Variants in SHQ1 observed in about 807,000 individuals in gnomAD.
SHQ1 encodes SHQ1, H/ACA ribonucleoprotein assembly factor.
A neutral mutation model predicts 53.8 loss-of-function variants in SHQ1; 49 were observed. That is an observed-to-expected ratio of 0.91 (90% CI 0.72 to 1.16). The LOEUF (loss-of-function observed/expected upper bound fraction) is 1.16. SHQ1 is among the 50% of genes most tolerant of loss of function. The pLI is 0.00. For synonymous variants in SHQ1, 243 were observed against 251.0 expected (o/e 0.97, Z 0.30); for missense variants, 738 against 683.1 (o/e 1.08, Z -0.90).
At chr3:72,813,816 C>T (rs1245452077) in intron 8 of SHQ1, among the ~76,000 whole-genome samples, 2 of 145,166 alleles carry the variant, frequency 1.4e-5, no homozygotes, top group African/African-American at 2.5e-5. Context: ...TGTTCAGTTT[C>T]CTCTCCTCTT....
intron 4 of SHQ1, among the ~76,000 whole-genome samples, chr3:72,840,082 T>C (rs1708121998): frequency 6.6e-6 from 1 of 151,084 alleles, no homozygotes; most frequent in African/African-American, 2.4e-5. Context: ...CAAAACTCCA[T>C]CTCTACTAAA....
At chr3:72,733,838 C>T in the SHQ1 span, among the ~76,000 whole-genome samples, 1 of 151,508 alleles carries the variant, frequency 6.6e-6, no homozygotes, top group Non-Finnish European at 1.5e-5. Context: ...CACTTAATGA[C>T]GTGGTGCACT....
intron 10 of SHQ1, among the ~76,000 whole-genome samples, chr3:72,782,590 T>C (rs1246695548): frequency 6.6e-6 from 1 of 152,204 alleles, no homozygotes; most frequent in Non-Finnish European, 1.5e-5. Flanking sequence ...GGGAATGTAA[T>C]TAATCCTCTA....
intron 9 of SHQ1, among the ~76,000 whole-genome samples, chr3:72,801,911 C>A (rs2081925957): frequency 6.6e-6 from 1 of 152,186 alleles, no homozygotes. Flanking sequence ...TAATCTTATG[C>A]AGTTCTTAGC....
In SHQ1 at chr3:72,796,309, G is replaced by A. The variant is rs377455523; in HGVS notation, c.1061-3273C>T. ...TCTCTAAACTTAGGTGTGGGCAGTA[G>A]GAATAAAGGACCCTACTCCCGAGAT... On this transcript the variant is annotated intron_variant, in intron 9 of 10. Transcript: ENST00000325599. Among the ~76,000 whole-genome samples the A allele has an allele frequency of 2.8e-4, 42 of 152,044 alleles. No homozygotes were observed. In the East Asian group the frequency reaches 6.8e-3, roughly 25 times the overall value.
chr3:72,808,477 A>G (rs1183168942), intron 9 of SHQ1, among the ~76,000 whole-genome samples: 3 of 152,058 alleles, frequency 2.0e-5, no homozygotes, highest in African/African-American at 7.2e-5. Context: ...TAGCTGTAAG[A>G]CCCTGGGCCA....
At chr3:72,744,000 C>G in the SHQ1 span, among the ~76,000 whole-genome samples, 1 of 152,036 alleles carries the variant, frequency 6.6e-6, no homozygotes, top group African/African-American at 2.4e-5. Flanking sequence ...GGGAGAGCAA[C>G]GCAGGAGCAA....
chr3:72,847,458 A>C (rs1575747424), intron 1 of SHQ1, among the ~76,000 whole-genome samples: 1 of 45,988 alleles, frequency 2.2e-5, no homozygotes, highest in Admixed American at 3.5e-4. Context: ...ATCACCGTCA[A>C]AGTTAAATGA....
chr3:72,769,033 C>G (rs1020522639), intron 10 of SHQ1, among the ~76,000 whole-genome samples: 1 of 152,122 alleles, frequency 6.6e-6, no homozygotes, highest in Non-Finnish European at 1.5e-5. Flanking sequence ...TGCAGTTTGG[C>G]AGGAAAAAAG....
At chr3:72,730,725 T>C in the SHQ1 span, among the ~76,000 whole-genome samples, 1 of 152,164 alleles carries the variant, frequency 6.6e-6, no homozygotes, top group Non-Finnish European at 1.5e-5. Context: ...TTAAGACACT[T>C]CATGACCAGC....
At chr3:72,839,343 G>C (rs1485017968) in intron 4 of SHQ1, among the ~76,000 whole-genome samples, 1 of 152,148 alleles carries the variant, frequency 6.6e-6, no homozygotes, top group African/African-American at 2.4e-5. Context: ...CAGCGATTGT[G>C]ATCAAGCAGA....
chr3:72,732,289 C>T, the SHQ1 span, among the ~76,000 whole-genome samples: 8 of 150,920 alleles, frequency 5.3e-5, no homozygotes, highest in Non-Finnish European at 1.2e-4. Context: ...AGACTCAGCA[C>T]CCAGCCACCC....
intron 5 of SHQ1, among the ~76,000 whole-genome samples, chr3:72,829,948 G>A (rs17010204): frequency 0.33 from 50,100 of 151,956 alleles, 10,304 homozygotes; most frequent in African/African-American, 0.58. Context: ...ATAATAAGCA[G>A]TGAGGAATGA....
At chr3:72,803,100 CT>C (rs1346694736) in intron 9 of SHQ1, among the ~76,000 whole-genome samples, 4 of 152,164 alleles carry the variant, frequency 2.6e-5, no homozygotes, top group Non-Finnish European at 5.9e-5. Flanking sequence ...CACGCTGGCA[CT>C]TAGCTTGCTT....
Position 72,846,091 on chromosome 3 carries a change from G to A in SHQ1, c.144-1668C>T, listed in dbSNP as rs1313648235. The A allele has an allele frequency of 6.7e-6, 6 of 894,480 alleles. No homozygotes were observed. In the Admixed American group the frequency reaches 1.4e-4, roughly 20 times the overall value. 55.4% of individuals were successfully genotyped at this position (894,480 alleles called of 1,614,324 possible). On this transcript the variant is annotated intron_variant, in intron 1 of 10. Transcript: ENST00000325599. ...TGAGCATGAAATGATAATGCAAAGA[G>A]CTTAGTGGCCGGCACAACAGGTGAG...
At chr3:72,815,992 C>G (rs185395154) in intron 7 of SHQ1, among the ~76,000 whole-genome samples, 118 of 152,110 alleles carry the variant, frequency 7.8e-4, no homozygotes, top group Non-Finnish European at 1.4e-3. Flanking sequence ...ATTTTTTGGT[C>G]AAAGAAAACA....
At chr3:72,751,494 G>GTATACATATATATA (rs1431742565) in intron 10 of SHQ1, among the ~76,000 whole-genome samples, 1 of 97,534 alleles carries the variant, frequency 1.0e-5, no homozygotes, top group Non-Finnish European at 2.1e-5. Flanking sequence ...GTGTGTGTGT[G>GTATACATATATATA]TGTGTGTGTG....
At chr3:72,795,943 A>C (rs1706599848) in intron 9 of SHQ1, among the ~76,000 whole-genome samples, 2 of 151,922 alleles carry the variant, frequency 1.3e-5, no homozygotes, top group Non-Finnish European at 2.9e-5. Flanking sequence ...TCTCTACTAA[A>C]AATACAAAAA....
chr3:72,798,273 G>A (rs1053844081), intron 9 of SHQ1, among the ~76,000 whole-genome samples: 2 of 152,186 alleles, frequency 1.3e-5, no homozygotes, highest in African/African-American at 2.4e-5. Flanking sequence ...TCTCCAGGAC[G>A]TTAAATCCCA....
Sources: gnomAD v4.1 joint callset for allele counts (sites outside exome capture counted in the v4.1 genomes callset) on GRCh38, gnomAD v4.1.1 for gene constraint, MANE v1.5 for transcripts, NCBI Gene and HGNC (gene_info 2026-07-23, HGNC 2026-07-21) for gene names.